The following MYO1E variants were observed in gnomAD, a reference collection of about 807,000 sequenced individuals.
MYO1E encodes the protein myosin IE, also known as unconventional myosin-Ie.
MYO1E carries 68 observed loss-of-function variants against 151.1 expected under a neutral mutation model. The observed-to-expected ratio is 0.45, with a 90% CI of 0.37 to 0.55. The LOEUF is 0.55. Ranked by LOEUF, MYO1E falls within the 20% of genes least tolerant of loss-of-function variation. MYO1E has a pLI of 0.00. For synonymous variants in MYO1E, 601 were observed against 501.7 expected, an observed-to-expected ratio of 1.20 and a Z score of -2.64; for missense variants, 1,363 against 1,389.3, an observed-to-expected ratio of 0.98 and a Z score of 0.30.
chr15:59,257,029 G>A (rs1262776477), intron 3 of MYO1E, among the ~76,000 whole-genome samples: 5 of 152,176 alleles, frequency 3.3e-5, no homozygotes, highest in African/African-American at 1.2e-4. Context: ...TCCTGGGTTT[G>A]TGATTTCATC....
chr15:59,225,906 A>G (rs1290069082), intron 7 of MYO1E, among the ~76,000 whole-genome samples: 3 of 152,150 alleles, frequency 2.0e-5, no homozygotes, highest in Admixed American at 6.5e-5. Context: ...TTGGCATCCC[A>G]AAGTGCTGGG....
At chr15:59,239,231 T>A (rs1232375090) in intron 4 of MYO1E, among the ~76,000 whole-genome samples, 52 of 83,060 alleles carry the variant, frequency 6.3e-4, no homozygotes, top group African/African-American at 1.5e-3. Context: ...TATATTTTTT[T>A]TATTTTTTAA....
At chr15:59,321,525 T>G (rs529852959) in intron 1 of MYO1E, among the ~76,000 whole-genome samples, 1 of 152,320 alleles carries the variant, frequency 6.6e-6, no homozygotes, top group East Asian at 1.9e-4. Context: ...AATCATGTCC[T>G]TTGAAGCAAC....
chr15:59,207,502 C>A, intron 14 of MYO1E: 1 of 1,614,008 alleles, frequency 6.2e-7, no homozygotes, highest in Non-Finnish European at 8.5e-7. Flanking sequence ...TGTTTCCAAT[C>A]CAGTGGATAT....
At position 59,161,150 on chromosome 15, in the gene MYO1E, A is replaced by G. The variant is rs201204091; in HGVS notation, c.2708T>C (p.Phe903Ser). 4 of 1,614,108 alleles carry G rather than the reference A, an allele frequency of 2.5e-6. No individual in the cohort carries two copies. In the South Asian group the frequency reaches 3.3e-5, roughly 13 times the overall value. The change falls in exon 24 of 28, where the codon TTT becomes TCT. Residue 903 changes from phenylalanine to serine, a missense_variant. Transcript: ENST00000288235. ...GGGCTTGAGGACAGCCAGGTCCCCA[A>G]ACCCTTGGTGGAACTGCACTTGCCG... is the stretch of plus-strand genomic sequence containing the variant. ...GSRQVQFHQG[F>S]GDLAVLKPSN...
intron 1 of MYO1E, among the ~76,000 whole-genome samples, chr15:59,351,441 A>C (rs2080822696): frequency 6.6e-6 from 1 of 152,350 alleles, no homozygotes; most frequent in Non-Finnish European, 1.5e-5. Flanking sequence ...GAGAAGGACT[A>C]CTGGAAAATA....
chr15:59,337,157 T>C (rs754265916), intron 1 of MYO1E, among the ~76,000 whole-genome samples: 13 of 152,230 alleles, frequency 8.5e-5, no homozygotes, highest in Non-Finnish European at 1.8e-4. Context: ...TTTATTATTA[T>C]GAATATTTCC....
At chr15:59,352,114 G>A (rs552018080) in intron 1 of MYO1E, among the ~76,000 whole-genome samples, 17 of 152,258 alleles carry the variant, frequency 1.1e-4, no homozygotes, top group African/African-American at 2.6e-4. Flanking sequence ...GCATGCTGTC[G>A]GCAACAGCCT....
intron 1 of MYO1E, among the ~76,000 whole-genome samples, chr15:59,287,474 T>A (rs1314284958): frequency 6.6e-6 from 1 of 152,214 alleles, no homozygotes; most frequent in African/African-American, 2.4e-5. Flanking sequence ...TTCACTGATC[T>A]TACCAGGACC....
At chr15:59,206,287 G>C (rs912723305) in intron 14 of MYO1E, among the ~76,000 whole-genome samples, 3 of 152,156 alleles carry the variant, frequency 2.0e-5, no homozygotes, top group Non-Finnish European at 4.4e-5. Context: ...CATGTAGCAG[G>C]GTGATTCATT....
At chr15:59,225,290 A>G (rs2079982790) in intron 7 of MYO1E, among the ~76,000 whole-genome samples, 1 of 152,138 alleles carries the variant, frequency 6.6e-6, no homozygotes, top group Non-Finnish European at 1.5e-5. Flanking sequence ...TTGCCATGAC[A>G]TAACCACTTG....
intron 4 of MYO1E, among the ~76,000 whole-genome samples, chr15:59,241,825 G>A (rs2080101469): frequency 6.6e-6 from 1 of 151,952 alleles, no homozygotes; most frequent in Admixed American, 6.6e-5. Flanking sequence ...AGGCTGAGGT[G>A]GGAGGATTGT....
intron 1 of MYO1E, among the ~76,000 whole-genome samples, chr15:59,295,292 A>G (rs779150219): frequency 1.3e-5 from 2 of 152,092 alleles, no homozygotes; most frequent in Non-Finnish European, 2.9e-5. Context: ...CAAGGAGAGT[A>G]AAGGCATGGA....
intron 16 of MYO1E, among the ~76,000 whole-genome samples, chr15:59,197,887 G>A (rs762834668): frequency 6.6e-6 from 1 of 152,138 alleles, no homozygotes; most frequent in African/African-American, 2.4e-5. Flanking sequence ...TTTGAAACAG[G>A]GTCTTGCTCT....
chr15:59,204,432 C>A (rs2079820243), intron 15 of MYO1E, among the ~76,000 whole-genome samples: 1 of 152,194 alleles, frequency 6.6e-6, no homozygotes, highest in Non-Finnish European at 1.5e-5. Context: ...GCTATTGTGA[C>A]AGCTTAACTA....
At chr15:59,140,151 A>C (rs113243301) in intron 26 of MYO1E, among the ~76,000 whole-genome samples, 1 of 152,028 alleles carries the variant, frequency 6.6e-6, no homozygotes, top group Non-Finnish European at 1.5e-5. Context: ...CCCACTGGAT[A>C]CCAGTGACAC....
At chr15:59,339,590 A>G (rs969504394) in intron 1 of MYO1E, among the ~76,000 whole-genome samples, 1 of 152,154 alleles carries the variant, frequency 6.6e-6, no homozygotes, top group African/African-American at 2.4e-5. Context: ...GACATTCTTC[A>G]TGTTGATTCA....
At chr15:59,227,165 C>A (rs1314121956) in intron 7 of MYO1E, among the ~76,000 whole-genome samples, 1 of 152,224 alleles carries the variant, frequency 6.6e-6, no homozygotes, top group African/African-American at 2.4e-5. Context: ...TCCGGCCAAA[C>A]CTGCCCACCT....
chr15:59,230,431 G>GT lies in MYO1E; in HGVS notation c.510+1270dup, dbSNP rs1198804796. ...AATCAATGAAAATATCAATTTAATT[G>GT]TTTTTTTTTTCTGGTCTCCAAGGAA... On this transcript the variant is annotated intron_variant, in intron 6 of 27. Coordinates refer to ENST00000288235, the MANE Select transcript of MYO1E (RefSeq NM_004998.4). Among the ~76,000 whole-genome samples the GT allele has an allele frequency of 9.6e-3, 1,427 of 148,298 alleles. 21 individuals carry two copies. The highest frequency in any genetic ancestry group is 0.032 in the African/African-American group (1,276 of 40,476).
Sources: gnomAD v4.1 joint callset for allele counts (sites outside exome capture counted in the v4.1 genomes callset) on GRCh38, gnomAD v4.1.1 for gene constraint, MANE v1.5 for transcripts, NCBI Gene and HGNC (gene_info 2026-07-23, HGNC 2026-07-21) for gene names.